HOMER1: variants seen among roughly 807,000 people sequenced by gnomAD.
The protein encoded by HOMER1 is homer protein homolog 1.
In HOMER1, 3 loss-of-function variants were observed where a neutral mutation model predicts 48.9. That is an observed-to-expected ratio of 0.06 (90% confidence interval 0.03 to 0.16). The LOEUF (loss-of-function observed/expected upper bound fraction) is 0.16, where lower values mean the gene tolerates loss of function less well. Ranked by LOEUF, HOMER1 falls within the 10% of genes least tolerant of loss-of-function variation. The probability of loss-of-function intolerance (pLI) is 1.00; values close to 1 mark genes in which losing one functional copy is unlikely to be tolerated. For missense variants in HOMER1, 247 were observed against 411.4 expected (o/e 0.60, Z 3.46); for synonymous variants, 134 against 146.4 (o/e 0.92, Z 0.61).
At position 79,498,612 on chromosome 5, in the gene HOMER1, G is replaced by A. The variant is rs116826386; in HGVS notation, c.5+14158C>T. Among the ~76,000 whole-genome samples the A allele has an allele frequency of 8.3e-3, 1,258 of 152,258 alleles. 18 individuals carry two copies. Among genetic ancestry groups the A allele is most frequent in the African/African-American group, 0.027 (1,140 of 41,530 alleles). On this transcript the variant is annotated intron_variant, in intron 1 of 8. Coordinates refer to ENST00000334082, the MANE Select transcript of HOMER1 (RefSeq NM_004272.5). ...CCTACAGTCCCCACCAGTCCCTACT[G>A]TCTTCTACCTCATACTATCACACAT...
intron 1 of HOMER1, among the ~76,000 whole-genome samples, chr5:79,500,297 A>G (rs1380108043): frequency 6.6e-6 from 1 of 152,236 alleles, no homozygotes; most frequent in Non-Finnish European, 1.5e-5. Context: ...GATAACATAA[A>G]GCAAAAAGAA....
chr5:79,510,694 G>T, intron 1 of HOMER1: 1 of 882,786 alleles, frequency 1.1e-6, no homozygotes, highest in Non-Finnish European at 1.9e-6. Flanking sequence ...AGATCCCAAA[G>T]GGTGTCAGCC....
intron 1 of HOMER1, among the ~76,000 whole-genome samples, chr5:79,511,411 G>T (rs1752938158): frequency 6.6e-6 from 1 of 152,142 alleles, no homozygotes; most frequent in South Asian, 2.1e-4. Flanking sequence ...ATGAGGAGGA[G>T]AATAAAAAGA....
At chr5:79,426,252 C>G (rs1169437431) in intron 5 of HOMER1, among the ~76,000 whole-genome samples, 1 of 152,038 alleles carries the variant, frequency 6.6e-6, no homozygotes, top group Non-Finnish European at 1.5e-5. Flanking sequence ...CCATATGATC[C>G]AGCAATCCCA....
chr5:79,485,144 T>C (rs1461004789), intron 1 of HOMER1, among the ~76,000 whole-genome samples: 3 of 152,264 alleles, frequency 2.0e-5, no homozygotes, highest in Non-Finnish European at 4.4e-5. Context: ...AGGTGTGTTT[T>C]GCTTTCCCTG....
At chr5:79,405,440 C>A (rs926841781) in intron 5 of HOMER1, among the ~76,000 whole-genome samples, 1 of 152,152 alleles carries the variant, frequency 6.6e-6, no homozygotes. Flanking sequence ...TATCAATTTG[C>A]CCCATCTTCC....
intron 5 of HOMER1, among the ~76,000 whole-genome samples, chr5:79,426,268 G>C (rs185291830): frequency 1.3e-5 from 2 of 152,094 alleles, no homozygotes; most frequent in East Asian, 3.9e-4. Flanking sequence ...TCCCACTGCT[G>C]GGATATCTAA....
chr5:79,437,716 A>G (rs1750630790), intron 5 of HOMER1, among the ~76,000 whole-genome samples: 1 of 152,216 alleles, frequency 6.6e-6, no homozygotes, highest in Non-Finnish European at 1.5e-5. Flanking sequence ...ACCGTGGCAC[A>G]ATCGTAGCTC....
At chr5:79,383,925 A>G (rs1423335517) in intron 8 of HOMER1, among the ~76,000 whole-genome samples, 1 of 152,350 alleles carries the variant, frequency 6.6e-6, no homozygotes, top group East Asian at 1.9e-4. Context: ...CAATGAGGAA[A>G]TTAAGATGAA....
At chr5:79,447,030 A>G in intron 4 of HOMER1, 23 bp downstream of exon 4, 1 of 1,331,564 alleles carries the variant, frequency 7.5e-7, no homozygotes, top group Non-Finnish European at 1.1e-6. Flanking sequence ...GTTCATAATT[A>G]AGAATAGAAA....
intron 5 of HOMER1, among the ~76,000 whole-genome samples, chr5:79,403,648 A>G (rs919072434): frequency 6.6e-6 from 1 of 152,204 alleles, no homozygotes; most frequent in Non-Finnish European, 1.5e-5. Context: ...TAGAACAGAA[A>G]GGGAACATTG....
At chr5:79,472,284 A>T (rs1751643164) in intron 1 of HOMER1, among the ~76,000 whole-genome samples, 1 of 152,216 alleles carries the variant, frequency 6.6e-6, no homozygotes, top group African/African-American at 2.4e-5. Flanking sequence ...CTATGTGAAC[A>T]TATATTTATA....
chr5:79,446,303 C>T (rs1315110823), intron 4 of HOMER1, among the ~76,000 whole-genome samples: 2 of 152,180 alleles, frequency 1.3e-5, no homozygotes, highest in Admixed American at 1.3e-4. Context: ...AACTATTTCC[C>T]CTCCCCTGCT....
chr5:79,503,537 A>G (rs1379428130), intron 1 of HOMER1, among the ~76,000 whole-genome samples: 7 of 97,168 alleles, frequency 7.2e-5, no homozygotes, highest in African/African-American at 2.9e-4. Flanking sequence ...ACAAAGAGAA[A>G]AAAAAAAAAA....
At chr5:79,434,167 A>C (rs747653468) in intron 5 of HOMER1, among the ~76,000 whole-genome samples, 3 of 152,084 alleles carry the variant, frequency 2.0e-5, no homozygotes, top group Non-Finnish European at 4.4e-5. Context: ...CGAAAATATG[A>C]CAACAATTAT....
At chr5:79,402,223 T>A (rs546639922) in intron 5 of HOMER1, among the ~76,000 whole-genome samples, 168 bp from the exon 6 acceptor site, 26 of 151,570 alleles carry the variant, frequency 1.7e-4, no homozygotes, top group Non-Finnish European at 3.2e-4. Flanking sequence ...TGGAGTGTAG[T>A]GGCGCAATCT....
At chr5:79,441,074 C>A (rs1446615884) in intron 4 of HOMER1, among the ~76,000 whole-genome samples, 1 of 152,092 alleles carries the variant, frequency 6.6e-6, no homozygotes, top group Non-Finnish European at 1.5e-5. Flanking sequence ...GTGGAAGAAT[C>A]GCTTGAACCT....
intron 5 of HOMER1, among the ~76,000 whole-genome samples, chr5:79,417,941 A>G (rs13177934): frequency 0.19 from 28,686 of 152,210 alleles, 3,727 homozygotes; most frequent in East Asian, 0.43. Context: ...ATAATTTTAC[A>G]GTAAAATCTG....
intron 8 of HOMER1, among the ~76,000 whole-genome samples, chr5:79,379,377 TA>T (rs1748897953): frequency 8.7e-6 from 1 of 115,018 alleles, no homozygotes; most frequent in Admixed American, 1.2e-4. Flanking sequence ...TATATATTTA[TA>T]TATTTTATAT....
Sources: gnomAD v4.1 joint callset for allele counts (sites outside exome capture counted in the v4.1 genomes callset) on GRCh38, gnomAD v4.1.1 for gene constraint, MANE v1.5 for transcripts, NCBI Gene and HGNC (gene_info 2026-07-23, HGNC 2026-07-21) for gene names.